The following WDPCP variants were observed in gnomAD, a reference collection of about 807,000 sequenced individuals.
The protein encoded by WDPCP is WD repeat containing planar cell polarity effector, also known as WD repeat-containing and planar cell polarity effector protein fritz homolog.
WDPCP carries 71 observed loss-of-function variants against 93.1 expected under a neutral mutation model. The observed-to-expected ratio is 0.76, with a 90% CI of 0.63 to 0.93. The LOEUF (loss-of-function observed/expected upper bound fraction) is 0.93, where lower values mean the gene tolerates loss of function less well. WDPCP is among the 40% of genes least tolerant of loss of function. The probability of loss-of-function intolerance (pLI) is 0.00; values close to 1 mark genes in which losing one functional copy is unlikely to be tolerated. For synonymous variants in WDPCP, 315 were observed against 315.0 expected (o/e 1.00, Z 0.00); for missense variants, 844 against 887.4 (o/e 0.95, Z 0.62).
chr2:63,806,099 G>A (rs561458493), intron 2 of WDPCP, among the ~76,000 whole-genome samples: 1 of 152,302 alleles, frequency 6.6e-6, no homozygotes, highest in African/African-American at 2.4e-5. Flanking sequence ...GGGTGACAGA[G>A]TGAGAGCCTG....
At chr2:63,358,092 G>A (rs938035980) in intron 12 of WDPCP, among the ~76,000 whole-genome samples, 1 of 152,118 alleles carries the variant, frequency 6.6e-6, no homozygotes, top group African/African-American at 2.4e-5. Context: ...TGAGGGTGGA[G>A]GTGGGAGGAA....
intron 1 of WDPCP, among the ~76,000 whole-genome samples, chr2:63,523,977 A>G (rs1403438575): frequency 6.6e-6 from 1 of 152,156 alleles, no homozygotes; most frequent in East Asian, 1.9e-4. Flanking sequence ...AAAACATCCA[A>G]CCTGAGAGCC....
chr2:63,476,150 C>T (rs1000139066), intron 6 of WDPCP, among the ~76,000 whole-genome samples: 5 of 152,122 alleles, frequency 3.3e-5, no homozygotes, highest in Non-Finnish European at 5.9e-5. Flanking sequence ...TGTTACCCTA[C>T]ATCCCACTGC....
chr2:63,455,143 G>C (rs1435050346), intron 6 of WDPCP, among the ~76,000 whole-genome samples: 1 of 151,252 alleles, frequency 6.6e-6, no homozygotes, highest in Non-Finnish European at 1.5e-5. Context: ...ACACAAATGA[G>C]AAAGAGGAAA....
chr2:63,678,284 G>C (rs569523567), intron 2 of WDPCP, among the ~76,000 whole-genome samples: 1 of 152,176 alleles, frequency 6.6e-6, no homozygotes, highest in African/African-American at 2.4e-5. Context: ...AGAGCAAAAG[G>C]CTGCATCAGC....
At chr2:63,798,993 T>C (rs904790074) in intron 2 of WDPCP, among the ~76,000 whole-genome samples, 5 of 152,202 alleles carry the variant, frequency 3.3e-5, no homozygotes, top group Non-Finnish European at 5.9e-5. Flanking sequence ...GTTATCAGTG[T>C]TCCTACATCT....
chr2:63,554,936 C>G (rs1705968574), intron 1 of WDPCP, among the ~76,000 whole-genome samples: 1 of 152,152 alleles, frequency 6.6e-6, no homozygotes, highest in Non-Finnish European at 1.5e-5. Context: ...AATTGTGCTA[C>G]CCTGCCCAAG....
intron 1 of WDPCP, among the ~76,000 whole-genome samples, chr2:63,549,137 T>C (rs1451956002): frequency 6.7e-6 from 1 of 149,228 alleles, no homozygotes; most frequent in Non-Finnish European, 1.5e-5. Context: ...TAATCCCAGC[T>C]ACTCAGGAGG....
chr2:63,670,113 G>A lies in WDPCP; in HGVS notation n.309-19275C>T, dbSNP rs537126099. On this transcript the variant is annotated intron_variant and non_coding_transcript_variant, in intron 2 of 4. Coordinates refer to the WDPCP transcript ENST00000467687. ...TTCTCTGATATCTCAGCCACAGAGA[G>A]CACAATCTGTAACGTTGATAAAATG... 1.5e-3 allele frequency among the ~76,000 whole-genome samples: 233 copies of A among 152,226 alleles called. 2 individuals are homozygous for A. The highest frequency in any genetic ancestry group is 3.4e-3 in the Middle Eastern group (1 of 294).
intron 10 of WDPCP, among the ~76,000 whole-genome samples, chr2:63,383,189 G>T (rs902515157): frequency 1.3e-5 from 2 of 152,014 alleles, no homozygotes; most frequent in African/African-American, 4.8e-5. Flanking sequence ...AAAAAGCAAA[G>T]ATATGAATGA....
chr2:63,240,754 G>A (rs574589299), intron 14 of WDPCP, among the ~76,000 whole-genome samples: 1 of 152,248 alleles, frequency 6.6e-6, no homozygotes, highest in South Asian at 2.1e-4. Context: ...AATAAGTAAA[G>A]CAGAGAAAGA....
intron 1 of WDPCP, among the ~76,000 whole-genome samples, chr2:63,545,602 G>C (rs977889349): frequency 1.3e-5 from 2 of 151,534 alleles, no homozygotes; most frequent in Non-Finnish European, 2.9e-5. Flanking sequence ...CTTTCTAGTC[G>C]AGGTATGATT....
At chr2:63,277,948 C>T (rs563407135) in intron 13 of WDPCP, among the ~76,000 whole-genome samples, 7 of 152,152 alleles carry the variant, frequency 4.6e-5, no homozygotes, top group Admixed American at 3.3e-4. Flanking sequence ...GCAGAATATA[C>T]ATTCTATTCA....
At chr2:63,738,059 A>G (rs905516530) in intron 2 of WDPCP, among the ~76,000 whole-genome samples, 1 of 152,144 alleles carries the variant, frequency 6.6e-6, no homozygotes, top group African/African-American at 2.4e-5. Flanking sequence ...GATAACTTGA[A>G]TGTCTACCTA....
Position 63,201,294 on chromosome 2 carries a change from G to A in WDPCP, c.1916-26462C>T, listed in dbSNP as rs1574860176. Among the ~76,000 whole-genome samples, 5 of 152,256 alleles carry A rather than the reference G, an allele frequency of 3.3e-5. No individual in the cohort carries two copies. In the South Asian group the frequency reaches 1.0e-3, roughly 32 times the overall value. ...CTTCCTGTACAGCCTGCAGAACTGT[G>A]AGTCAATTAAACCTATTTTCTTTAT... is the stretch of plus-strand genomic sequence containing the variant. On this transcript the variant is annotated intron_variant, in intron 14 of 17. Transcript: ENST00000272321.
intron 2 of WDPCP, among the ~76,000 whole-genome samples, chr2:63,754,502 T>C (rs536970085): frequency 1.3e-5 from 2 of 152,344 alleles, no homozygotes; most frequent in African/African-American, 4.8e-5. Flanking sequence ...GGAATAATAC[T>C]CTCACAGATG....
At chr2:63,694,340 G>A (rs1320002742) in intron 2 of WDPCP, among the ~76,000 whole-genome samples, 3 of 152,062 alleles carry the variant, frequency 2.0e-5, no homozygotes, top group East Asian at 1.9e-4. Context: ...TTTCAAAGGC[G>A]GGTTGTTGAG....
At chr2:63,411,612 T>C (rs1430874316) in intron 9 of WDPCP, among the ~76,000 whole-genome samples, 2 of 151,862 alleles carry the variant, frequency 1.3e-5, no homozygotes, top group Non-Finnish European at 2.9e-5. Flanking sequence ...AAAAGATCAA[T>C]AAAAGTGATA....
At chr2:63,437,232 C>T (rs561701447) in intron 8 of WDPCP, among the ~76,000 whole-genome samples, 189 bp downstream of exon 8, 56 of 152,066 alleles carry the variant, frequency 3.7e-4, no homozygotes, top group African/African-American at 1.3e-3. Flanking sequence ...AGACAACCCC[C>T]CATAGTGAGA....
Sources: gnomAD v4.1 joint callset for allele counts (sites outside exome capture counted in the v4.1 genomes callset) on GRCh38, gnomAD v4.1.1 for gene constraint, MANE v1.5 for transcripts, NCBI Gene and HGNC (gene_info 2026-07-23, HGNC 2026-07-21) for gene names.